RSPH14: variants seen among roughly 807,000 people sequenced by gnomAD.
The protein encoded by RSPH14 is rhabdoid tumor deletion region gene 1.
RSPH14 carries 20 observed loss-of-function variants against 26.7 expected under a neutral mutation model. That is an observed-to-expected ratio of 0.75 (90% confidence interval 0.53 to 1.09). The LOEUF is 1.09. Among genes scored for constraint, RSPH14 ranks in the 50% least tolerant of loss-of-function variants. The pLI, the probability that RSPH14 is intolerant of heterozygous loss-of-function variation, is 0.00. For synonymous variants in RSPH14, 177 were observed against 189.3 expected (o/e 0.93, Z 0.53); for missense variants, 449 against 457.2 (o/e 0.98, Z 0.16).
At chr22:23,114,476 A>G (rs2069760577) in intron 4 of RSPH14, among the ~76,000 whole-genome samples, 1 of 151,112 alleles carries the variant, frequency 6.6e-6, no homozygotes, top group Non-Finnish European at 1.5e-5. Context: ...CCTTCCCCTC[A>G]GCCCCCAGAG....
At chr22:23,137,656 G>A (rs1056262143) in intron 3 of RSPH14, 2 of 564,328 alleles carry the variant, frequency 3.5e-6, no homozygotes, top group Non-Finnish European at 6.3e-6. Flanking sequence ...AAGGCAGTCA[G>A]CACCTTGCCT....
intron 4 of RSPH14, among the ~76,000 whole-genome samples, chr22:23,110,945 T>C (rs1177031707): frequency 6.6e-6 from 1 of 152,180 alleles, no homozygotes; most frequent in Non-Finnish European, 1.5e-5. Flanking sequence ...TGTCCTCTTG[T>C]CCACTTGGGG....
chr22:23,098,456 TG>T (rs1321823587), intron 4 of RSPH14, among the ~76,000 whole-genome samples: 1 of 152,108 alleles, frequency 6.6e-6, no homozygotes, highest in African/African-American at 2.4e-5. Context: ...GGCCTGTCCC[TG>T]GGGAGAGCCA....
At chr22:23,133,600 T>C (rs1298617520) in intron 4 of RSPH14, among the ~76,000 whole-genome samples, 1 of 152,186 alleles carries the variant, frequency 6.6e-6, no homozygotes, top group Non-Finnish European at 1.5e-5. Context: ...TTTCTTTTTT[T>C]TTGTCTTAAG....
At chr22:23,087,723 T>C (rs1186445286) in intron 4 of RSPH14, among the ~76,000 whole-genome samples, 2 of 152,152 alleles carry the variant, frequency 1.3e-5, no homozygotes, top group Non-Finnish European at 2.9e-5. Flanking sequence ...GAATTGAAAC[T>C]GTCTTCTTGT....
At chr22:23,124,441 CG>C (rs1233425639) in intron 4 of RSPH14, 1 of 468,956 alleles carries the variant, frequency 2.1e-6, no homozygotes, top group Admixed American at 2.4e-5. Context: ...GCCAGCCTCG[CG>C]GGACACGTGT....
intron 4 of RSPH14, among the ~76,000 whole-genome samples, chr22:23,125,739 G>C (rs1193993030): frequency 6.6e-6 from 1 of 152,204 alleles, no homozygotes; most frequent in Non-Finnish European, 1.5e-5. Context: ...CACCAGGCCA[G>C]GGAGCTGTTG....
chr22:23,178,338 C>T, the RSPH14 span, among the ~76,000 whole-genome samples: 13 of 152,044 alleles, frequency 8.6e-5, no homozygotes, highest in African/African-American at 3.1e-4. Flanking sequence ...ATCACTTGAA[C>T]CCAGGAGGCA....
At chr22:23,174,918 G>T in the RSPH14 span, among the ~76,000 whole-genome samples, 1 of 151,070 alleles carries the variant, frequency 6.6e-6, no homozygotes, top group Non-Finnish European at 1.5e-5. Context: ...GGTGAGCTGA[G>T]ATCACGCCAT....
Position 23,091,612 on chromosome 22 carries a change from G to A in RSPH14, c.422-27479C>T, listed in dbSNP as rs117645920. On this transcript the variant is annotated intron_variant, in intron 4 of 6. Transcript: ENST00000216036. Reference sequence around the variant, plus strand: ...CACACACAGGCACCTATGCATACACGCATATGCACCGCAATGGACCTGCAT... The same window carrying A: ...CACACACAGGCACCTATGCATACACACATATGCACCGCAATGGACCTGCAT... Among the ~76,000 whole-genome samples the A allele has an allele frequency of 7.2e-4, 108 of 149,866 alleles. 3 individuals carry two copies. In the East Asian group the frequency reaches 0.019, roughly 26 times the overall value.
At chr22:23,173,622 G>GTTT in the RSPH14 span, among the ~76,000 whole-genome samples, 12 of 112,304 alleles carry the variant, frequency 1.1e-4, no homozygotes, top group East Asian at 2.9e-4. Context: ...TTTATTTTTG[G>GTTT]TTTTTTGTTT....
At chr22:23,061,191 C>A (rs2146205323) in intron 6 of RSPH14, among the ~76,000 whole-genome samples, 1 of 152,282 alleles carries the variant, frequency 6.6e-6, no homozygotes, top group South Asian at 2.1e-4. Flanking sequence ...GGGCCCCAGG[C>A]TGGTGGGTGT....
the RSPH14 span, among the ~76,000 whole-genome samples, chr22:23,178,645 C>T: frequency 1.5e-3 from 227 of 152,314 alleles, 1 homozygote; most frequent in Non-Finnish European, 2.9e-3. Context: ...AGCTGCGCAC[C>T]GCCCACCCAG....
chr22:23,100,093 T>C (rs1200497794), intron 4 of RSPH14, among the ~76,000 whole-genome samples: 1 of 152,214 alleles, frequency 6.6e-6, no homozygotes, highest in African/African-American at 2.4e-5. Flanking sequence ...GGGTCTGTTT[T>C]GCACCTGTGA....
chr22:23,117,340 G>A (rs1569185000), intron 4 of RSPH14, among the ~76,000 whole-genome samples: 1 of 152,174 alleles, frequency 6.6e-6, no homozygotes, highest in South Asian at 2.1e-4. Context: ...TCATCACATC[G>A]GCCATTGCAT....
chr22:23,164,573 T>C, the RSPH14 span, among the ~76,000 whole-genome samples: 1 of 152,188 alleles, frequency 6.6e-6, no homozygotes, highest in Non-Finnish European at 1.5e-5. Context: ...ATTTCCTTCT[T>C]TCCCAGCATC....
At chr22:23,155,112 C>T in the RSPH14 span, among the ~76,000 whole-genome samples, 16 of 152,018 alleles carry the variant, frequency 1.1e-4, no homozygotes, top group African/African-American at 1.2e-4. Flanking sequence ...GCAATAAGAG[C>T]GAAACTCCAC....
intron 6 of RSPH14, among the ~76,000 whole-genome samples, chr22:23,060,514 A>G (rs559472797): frequency 4.6e-5 from 7 of 151,994 alleles, no homozygotes; most frequent in Non-Finnish European, 1.0e-4. Flanking sequence ...TATGTTGCCA[A>G]TATTTCTTGA....
chr22:23,161,290 C>T, the RSPH14 span, among the ~76,000 whole-genome samples: 2 of 152,172 alleles, frequency 1.3e-5, no homozygotes, highest in African/African-American at 2.4e-5. Flanking sequence ...GCAGATGTGT[C>T]CTGGCCCCGG....
Sources: allele counts gnomAD v4.1 joint callset (sites outside exome capture counted in the v4.1 genomes callset), GRCh38; gene constraint gnomAD v4.1.1; transcripts MANE v1.5; gene names NCBI Gene and HGNC (gene_info 2026-07-23, HGNC 2026-07-21).